EYA2: variants seen among roughly 807,000 people sequenced by gnomAD.
EYA2 encodes protein phosphatase EYA2.
Under a neutral mutation model 69.2 loss-of-function variants are expected in EYA2, and 31 were observed. The ratio of observed to expected loss-of-function variants is 0.45; its 90% CI spans 0.34 to 0.60. The LOEUF (loss-of-function observed/expected upper bound fraction) is 0.60. EYA2 is among the 20% of genes least tolerant of loss of function. EYA2 has a pLI of 0.02. For synonymous variants in EYA2, 257 were observed against 279.4 expected (o/e 0.92, Z 0.80); for missense variants, 622 against 701.2 (o/e 0.89, Z 1.28).
At chr20:46,983,013 T>C (rs1472551595) in intron 1 of EYA2, among the ~76,000 whole-genome samples, 1 of 152,156 alleles carries the variant, frequency 6.6e-6, no homozygotes, top group Non-Finnish European at 1.5e-5. Context: ...CTTCAGGTGA[T>C]CCACCTGCCT....
intron 9 of EYA2, among the ~76,000 whole-genome samples, chr20:47,136,599 C>G (rs1171664298): frequency 1.3e-5 from 2 of 152,042 alleles, no homozygotes; most frequent in African/African-American, 4.8e-5. Flanking sequence ...AAATATAAGC[C>G]AGGTGTGCTA....
intron 15 of EYA2, among the ~76,000 whole-genome samples, chr20:47,187,362 A>G (rs774038295): frequency 8.3e-5 from 12 of 143,806 alleles, no homozygotes; most frequent in Non-Finnish European, 1.3e-4. Flanking sequence ...AGAAAGAAAG[A>G]AAGAAAAAAA....
At chr20:46,929,892 T>A (rs1985592634) in intron 1 of EYA2, among the ~76,000 whole-genome samples, 1 of 152,196 alleles carries the variant, frequency 6.6e-6, no homozygotes, top group African/African-American at 2.4e-5. Flanking sequence ...GACTACACCC[T>A]TCCTAAACTT....
Position 47,179,830 on chromosome 20 carries a change from C to A in EYA2, c.1231C>A (p.Leu411Ile), listed in dbSNP as rs1298130151. ...LIGTPKRETW[L>I]QLRAELEALT... ...AGGCACTCCCAAAAGGGAGACCTGGCTACAGCTCCGAGCTGAGCTGGAAGC... is the reference window on the plus strand; with the variant it reads ...AGGCACTCCCAAAAGGGAGACCTGGATACAGCTCCGAGCTGAGCTGGAAGC... The change falls in exon 13 of 16, where the codon CTA (leucine) becomes ATA (isoleucine). Residue 411 changes from leucine to isoleucine, a missense_variant. Leu to Ile is a conservative substitution (Grantham distance 5). Around this residue, in one of 2 missense-constraint regions of EYA2, gnomAD observed 257 missense variants for 351.5 expected, o/e 0.73. Transcript: ENST00000327619. The A allele has an allele frequency of 6.2e-7, 1 of 1,614,060 alleles. No homozygotes were observed. The highest frequency in any genetic ancestry group is 1.3e-5 in the African/African-American group (1 of 75,038).
At position 47,185,276 on chromosome 20, in the gene EYA2, C is replaced by CTTTTTTTTTTTTTTT. The variant is rs765083065; in HGVS notation, c.1536+1913_1536+1927dup. On this transcript the variant is annotated intron_variant, in intron 15 of 15. Transcript: ENST00000327619. ...CTCTCCCAGAAAAATGAATCACACT[C>CTTTTTTTTTTTTTTT]TTTTTTTTTTTTTTTTTTTTTTTTT... Among the ~76,000 whole-genome samples the CTTTTTTTTTTTTTTT allele has an allele frequency of 1.4e-4, 8 of 55,844 alleles. 1 individual carries two copies. The highest frequency in any genetic ancestry group is 2.2e-4 in the African/African-American group (3 of 13,416). 36.6% of individuals were successfully genotyped at this position (55,844 alleles called of 152,430 possible). A position where few individuals can be genotyped will look rare whatever the true frequency, so the allele number is the denominator to read the frequency against.
chr20:46,945,087 G>A (rs1382464890), intron 1 of EYA2, among the ~76,000 whole-genome samples: 2 of 151,622 alleles, frequency 1.3e-5, no homozygotes, highest in Admixed American at 6.6e-5. Flanking sequence ...CTGAGTGACA[G>A]TCTGGGTGAC....
chr20:46,933,164 A>G (rs920854545), intron 1 of EYA2, among the ~76,000 whole-genome samples: 19 of 152,168 alleles, frequency 1.2e-4, no homozygotes, highest in African/African-American at 4.6e-4. Context: ...GTGGAATACT[A>G]ATGGCTGATT....
At chr20:47,118,195 T>C (rs997176350) in intron 9 of EYA2, among the ~76,000 whole-genome samples, 3 of 152,276 alleles carry the variant, frequency 2.0e-5, no homozygotes, top group Non-Finnish European at 4.4e-5. Flanking sequence ...GGAGATTTCT[T>C]TCCCCCACTG....
At chr20:47,104,298 C>G (rs1423521932) in intron 9 of EYA2, among the ~76,000 whole-genome samples, 2 of 152,120 alleles carry the variant, frequency 1.3e-5, no homozygotes, top group African/African-American at 4.8e-5. Flanking sequence ...GTCTTTATAT[C>G]ATTATAAGAG....
chr20:46,912,502 C>A (rs1407442421), intron 1 of EYA2, among the ~76,000 whole-genome samples: 1 of 152,126 alleles, frequency 6.6e-6, no homozygotes, highest in African/African-American at 2.4e-5. Context: ...AGGCACTTGG[C>A]AAGCAGCTAT....
At chr20:47,027,725 C>A (rs1021780219) in intron 5 of EYA2, among the ~76,000 whole-genome samples, 89 of 152,276 alleles carry the variant, frequency 5.8e-4, no homozygotes, top group African/African-American at 2.1e-3. Context: ...GTCCAACAGA[C>A]CCTTCTGTGA....
At chr20:47,020,511 T>G (rs1220648346) in intron 5 of EYA2, among the ~76,000 whole-genome samples, 3 of 152,180 alleles carry the variant, frequency 2.0e-5, no homozygotes, top group African/African-American at 7.2e-5. Context: ...GAAGTGTGTT[T>G]CTTATGGGTT....
intron 9 of EYA2, among the ~76,000 whole-genome samples, chr20:47,099,154 A>G (rs1244383672): frequency 6.6e-6 from 1 of 152,194 alleles, no homozygotes; most frequent in African/African-American, 2.4e-5. Context: ...CCACCCAAGG[A>G]GTGAGGGAGC....
intron 1 of EYA2, among the ~76,000 whole-genome samples, chr20:46,965,051 A>C (rs1979691070): frequency 1.3e-5 from 2 of 152,212 alleles, no homozygotes; most frequent in Admixed American, 6.5e-5. Flanking sequence ...ACTTGTGAAC[A>C]GACGGTGGAA....
At chr20:47,156,095 C>CACACACACATATATATACAT (rs1301260221) in intron 10 of EYA2, among the ~76,000 whole-genome samples, 4 of 13,458 alleles carry the variant, frequency 3.0e-4, no homozygotes, top group Non-Finnish European at 4.5e-4. Context: ...TACATACACA[C>CACACACACATATATATACAT]ACACACACAC....
intron 5 of EYA2, among the ~76,000 whole-genome samples, chr20:47,043,581 A>G (rs1157710744): frequency 6.6e-6 from 1 of 152,198 alleles, no homozygotes; most frequent in Admixed American, 6.5e-5. Context: ...CTAACTTTGC[A>G]CTTTTTCCTG....
intron 9 of EYA2, among the ~76,000 whole-genome samples, chr20:47,111,070 T>G (rs1432417373): frequency 6.6e-6 from 1 of 152,248 alleles, no homozygotes; most frequent in Non-Finnish European, 1.5e-5. Flanking sequence ...CTTCATAGTT[T>G]TAAGGCATTT....
At chr20:47,004,491 T>TTCTC (rs11471572) in intron 3 of EYA2, among the ~76,000 whole-genome samples, 2 of 151,880 alleles carry the variant, frequency 1.3e-5, no homozygotes, top group East Asian at 3.9e-4. Flanking sequence ...GTTTGTTTCT[T>TTCTC]ACATAAAGTC....
chr20:47,067,927 G>A (rs926427847), intron 5 of EYA2, among the ~76,000 whole-genome samples: 21 of 152,256 alleles, frequency 1.4e-4, no homozygotes, highest in Middle Eastern at 3.4e-3. Flanking sequence ...TTTTCCTTAA[G>A]CCCTTGAAAA....
Sources: gnomAD v4.1 joint callset for allele counts (sites outside exome capture counted in the v4.1 genomes callset) on GRCh38, gnomAD v4.1.1 for gene constraint, gnomAD v4.1.1 regional missense constraint, MANE v1.5 for transcripts, NCBI Gene and HGNC (gene_info 2026-07-23, HGNC 2026-07-21) for gene names.